Variants in TECPR1 observed in about 807,000 individuals in gnomAD.
The protein encoded by TECPR1 is tectonin beta-propeller repeat-containing protein 1.
Under a neutral mutation model 162.4 loss-of-function variants are expected in TECPR1, and 122 were observed. That is an observed-to-expected ratio of 0.75 (90% confidence interval 0.65 to 0.87). TECPR1 has a LOEUF of 0.87. Among genes scored for constraint, TECPR1 ranks in the 40% least tolerant of loss-of-function variants. The pLI, the probability that TECPR1 is intolerant of heterozygous loss-of-function variation, is 0.00. For missense variants in TECPR1, 1,432 were observed against 1,618.2 expected (o/e 0.88, Z 1.97); for synonymous variants, 642 against 670.6 (o/e 0.96, Z 0.66).
chr7:98,243,325 C>G (rs1403920184), intron 6 of TECPR1, 142 bp downstream of exon 6: 3 of 1,153,590 alleles, frequency 2.6e-6, no homozygotes, highest in Non-Finnish European at 3.5e-6. Context: ...GCTGGGGGCT[C>G]GGAGGAGAGA....
intron 10 of TECPR1, 102 bp from the exon 11 acceptor site, chr7:98,234,013 CTT>C: frequency 7.1e-7 from 1 of 1,413,488 alleles, no homozygotes; most frequent in Middle Eastern, 1.9e-4. Flanking sequence ...CCTGTGGAAA[CTT>C]GGGCAAGTCA....
chr7:98,234,700 ATTGTCTTTTTT>A (rs1437712639), intron 10 of TECPR1, among the ~76,000 whole-genome samples: 1 of 97,514 alleles, frequency 1.0e-5, no homozygotes, highest in Non-Finnish European at 2.1e-5. Flanking sequence ...AGCATTTGTT[ATTGTCTTTTTT>A]TTTTTTTTTT....
chr7:98,229,643 T>C (rs936794245), intron 15 of TECPR1, among the ~76,000 whole-genome samples: 1 of 147,576 alleles, frequency 6.8e-6, no homozygotes, highest in Non-Finnish European at 1.5e-5. Flanking sequence ...CGGGAGGCGG[T>C]GCCAGCACAG....
chr7:98,243,717 C>A, intron 5 of TECPR1, 125 bp from the exon 6 acceptor site: 1 of 1,282,190 alleles, frequency 7.8e-7, no homozygotes, highest in Non-Finnish European at 1.1e-6. Flanking sequence ...TGCCTTAATT[C>A]ACAGGGAAGG....
chr7:98,244,452 G>A, intron 5 of TECPR1, 119 bp downstream of exon 5: 2 of 1,358,186 alleles, frequency 1.5e-6, no homozygotes, highest in Non-Finnish European at 2.0e-6. Flanking sequence ...CAAAGGCCAG[G>A]TCCCGAGGTG....
At chr7:98,218,244 G>T (rs909462602) in intron 23 of TECPR1, among the ~76,000 whole-genome samples, 1 of 152,222 alleles carries the variant, frequency 6.6e-6, no homozygotes, top group Non-Finnish European at 1.5e-5. Context: ...GCTGCAGCCA[G>T]CTCCGCCTTC....
intron 5 of TECPR1, 45 bp from the exon 6 acceptor site, chr7:98,243,637 GCACCTGGGCATGCACC>G (rs1257437156): frequency 6.3e-7 from 1 of 1,589,128 alleles, no homozygotes; most frequent in East Asian, 2.3e-5. Flanking sequence ...CGCCCAGTGG[GCACCTGGGCATGCACC>G]CACCTCCCGC....
Position 98,240,713 on chromosome 7 carries a change from C to A in TECPR1, c.933+138G>T, listed in dbSNP as rs954258205. 6.6e-6 allele frequency: 5 copies of A among 757,424 alleles called. No individual in the cohort carries two copies. In the Admixed American group the frequency reaches 8.8e-5, roughly 13 times the overall value. The allele number at this position is 757,424 out of a possible 1,614,324, so 46.9% of individuals were successfully genotyped here. On this transcript the variant is annotated intron_variant, in intron 8 of 25. Coordinates refer to ENST00000447648, the MANE Select transcript of TECPR1 (RefSeq NM_015395.3). ...TACAGACGTGAGCCACTGCACCCGG[C>A]CTGGGTTTTTCTTTTTTTTTAATTT...
rs533374019 is a variant in TECPR1, at chr7:98,217,454, C to T, written c.3434G>A (p.Arg1145Gln). The change falls in exon 26 of 26, where the codon CGG (arginine) becomes CAG (glutamine). Residue 1145 changes from arginine (R) to glutamine (Q), a missense_variant. Transcript: ENST00000447648. Reference protein sequence around the residue: ...SVRANATRAPRSSSQEQEPSA... With the variant: ...SVRANATRAPQSSSQEQEPSA... Reference sequence around the variant, plus strand: ...CGGCTCCTGCTCCTGGGACGAGCTCCGGGGGGCCCTGGTGGCATTGGCCCG... The same window carrying T: ...CGGCTCCTGCTCCTGGGACGAGCTCTGGGGGGCCCTGGTGGCATTGGCCCG... The T allele has an allele frequency of 9.9e-6, 16 of 1,610,200 alleles. 1 individual carries two copies. The highest frequency in any genetic ancestry group is 1.7e-5 in the Admixed American group (1 of 59,750).
chr7:98,216,950 C>T lies in TECPR1; in HGVS notation c.*440G>A, dbSNP rs1339980727. 1.8e-5 allele frequency: 3 copies of T among 170,810 alleles called. No homozygotes were observed. Among genetic ancestry groups the T allele is most frequent in the Non-Finnish European group, 1.3e-5 (1 of 79,224 alleles). The allele number at this position is 170,810 out of a possible 1,614,324, so 10.6% of individuals were successfully genotyped here. A position where few individuals can be genotyped will look rare whatever the true frequency, so the allele number is the denominator to read the frequency against. On this transcript the variant is annotated 3_prime_UTR_variant, in exon 26 of 26. Transcript: ENST00000447648. Reference sequence around the variant, plus strand: ...GCACATGGTAAAGAGGCCCTGAGCCCCATGGCCATCTCTCTTGGTGAGGGG... The same window carrying T: ...GCACATGGTAAAGAGGCCCTGAGCCTCATGGCCATCTCTCTTGGTGAGGGG...
chr7:98,218,099 G>C (rs1032581930), intron 23 of TECPR1, 57 bp from the exon 24 acceptor site: 10 of 1,423,426 alleles, frequency 7.0e-6, no homozygotes, highest in Non-Finnish European at 9.6e-6. Flanking sequence ...CCTCCTGCCC[G>C]TGCGGCCCGG....
intron 20 of TECPR1, 143 bp from the exon 21 acceptor site, chr7:98,223,313 C>T: frequency 2.7e-6 from 2 of 745,580 alleles, no homozygotes; most frequent in Non-Finnish European, 4.3e-6. Flanking sequence ...CTCCTCCCCA[C>T]CCCCACCCCC....
rs1172608990 is a variant in TECPR1, at chr7:98,233,822, C to T, written c.1271G>A (p.Gly424Glu). The change falls in exon 11 of 26, where the codon GGG becomes GAG. Residue 424 changes from glycine (G) to glutamate (E), a missense_variant. Physicochemically the swap from Gly to Glu is moderately conservative, Grantham distance 98. Transcript: ENST00000447648. ...TDASSEVERPGPGQILPAEPL... is the reference protein window; with the variant it reads ...TDASSEVERPEPGQILPAEPL... ...TTCTGCAGGGAGAATCTGGCCAGGC[C>T]CTGGTCTCTCGACTTCCGAGGAGGC... 1.2e-6 allele frequency: 2 copies of T among 1,600,546 alleles called. No individual in the cohort carries two copies. Among genetic ancestry groups the T allele is most frequent in the Non-Finnish European group, 1.7e-6 (2 of 1,174,206 alleles).
rs1239326866 is a variant in TECPR1 at position 98,231,833 on chromosome 7, T to C, written c.1945A>G (p.Ile649Val). 2.5e-6 allele frequency: 4 copies of C among 1,612,788 alleles called. No homozygotes were observed. The highest frequency in any genetic ancestry group is 3.3e-5 in the Admixed American group (2 of 59,976). ...TTCTCCTCGTGGACCACATAGTAGA[T>C]GAAGAGGATGCTGTCCCGGACGCCG... Reference protein sequence around the residue: ...HDGVRDSILFIYYVVHEEKKY... With the variant: ...HDGVRDSILFVYYVVHEEKKY... Residue 649 changes from isoleucine (I) to valine (V), a missense_variant, in exon 13 of 26, where the codon ATC becomes GTC. By Grantham distance (29) the Ile-to-Val change is conservative. Coordinates refer to ENST00000447648, the MANE Select transcript of TECPR1 (RefSeq NM_015395.3).
chr7:98,217,540 G>T (rs765229018), intron 25 of TECPR1, 37 bp from the exon 26 acceptor site: 1 of 1,458,072 alleles, frequency 6.9e-7, no homozygotes, highest in East Asian at 2.7e-5. Flanking sequence ...GGGACTCGGG[G>T]ACTCGAGGAT....
chr7:98,221,949 T>C (rs1036511245), intron 22 of TECPR1, among the ~76,000 whole-genome samples, 196 bp from the exon 23 acceptor site: 5 of 152,162 alleles, frequency 3.3e-5, no homozygotes, highest in South Asian at 2.1e-4. Context: ...CGGGCTCCGA[T>C]GGACTCATCT....
intron 22 of TECPR1, 141 bp downstream of exon 22, chr7:98,222,245 G>C (rs1300965146): frequency 1.6e-6 from 2 of 1,232,494 alleles, no homozygotes; most frequent in African/African-American, 3.0e-5. Context: ...CCACCTCCCA[G>C]TCAGTCCCAG....
At chr7:98,239,068 T>C (rs188962581) in intron 8 of TECPR1, among the ~76,000 whole-genome samples, 31 of 152,362 alleles carry the variant, frequency 2.0e-4, no homozygotes, top group African/African-American at 3.6e-4. Flanking sequence ...AGTATTTTCA[T>C]GTCGACGTGT....
chr7:98,249,258 G>A (rs554669329), intron 2 of TECPR1, among the ~76,000 whole-genome samples: 3 of 152,220 alleles, frequency 2.0e-5, no homozygotes, highest in Non-Finnish European at 2.9e-5. Context: ...GGAACAGGAA[G>A]ACAGGAAGCA....
Sources: allele counts gnomAD v4.1 joint callset (sites outside exome capture counted in the v4.1 genomes callset), GRCh38; gene constraint gnomAD v4.1.1; transcripts MANE v1.5; gene names NCBI Gene and HGNC (gene_info 2026-07-23, HGNC 2026-07-21).